Variants in MAPRE2 observed in about 807,000 individuals in gnomAD.
The protein encoded by MAPRE2 is microtubule-associated protein RP/EB family member 2.
MAPRE2 carries 13 observed loss-of-function variants against 43.2 expected under a neutral mutation model. The observed-to-expected ratio is 0.30, with a 90% confidence interval of 0.20 to 0.48. The LOEUF is 0.48. Among genes scored for constraint, MAPRE2 ranks in the 20% least tolerant of loss-of-function variants. MAPRE2 has a pLI of 0.99. For missense variants in MAPRE2, 161 were observed against 400.2 expected, an observed-to-expected ratio of 0.40 and a Z score of 5.10; for synonymous variants, 135 against 148.8, an observed-to-expected ratio of 0.91 and a Z score of 0.68.
chr18:35,031,580 T>C (rs1392253634), intron 2 of MAPRE2, among the ~76,000 whole-genome samples: 1 of 152,220 alleles, frequency 6.6e-6, no homozygotes, highest in East Asian at 1.9e-4. Context: ...CATCATGTTC[T>C]ATGAGTTATT....
intron 6 of MAPRE2, among the ~76,000 whole-genome samples, chr18:35,134,072 C>T (rs1910282475): frequency 6.6e-6 from 1 of 152,194 alleles, no homozygotes; most frequent in Non-Finnish European, 1.5e-5. Flanking sequence ...TTCTGAGACA[C>T]CTGGTTGGGG....
At chr18:35,008,645 AT>A (rs1279803329) in intron 2 of MAPRE2, among the ~76,000 whole-genome samples, 2 of 152,164 alleles carry the variant, frequency 1.3e-5, no homozygotes, top group African/African-American at 4.8e-5. Flanking sequence ...CATTTTCACT[AT>A]AAAAAATGCT....
At chr18:35,053,009 CACA>C (rs143641254) in intron 1 of MAPRE2, among the ~76,000 whole-genome samples, 3,740 of 136,622 alleles carry the variant, frequency 0.027, 113 homozygotes, top group South Asian at 0.064. Context: ...AAGTCCCCCC[CACA>C]CACACACACA....
upstream of MAPRE2, chr18:35,041,299 A>G: frequency 7.1e-7 from 1 of 1,404,172 alleles, no homozygotes; most frequent in Non-Finnish European, 9.3e-7. Flanking sequence ...GTGATGAGTT[A>G]GCGGGTTGCC....
intron 2 of MAPRE2, among the ~76,000 whole-genome samples, chr18:35,032,586 A>G (rs1303358652): frequency 6.6e-6 from 1 of 152,188 alleles, no homozygotes; most frequent in African/African-American, 2.4e-5. Context: ...TGATTGTGCT[A>G]TAAGCTAGGG....
chr18:34,982,601 T>C (rs2097017007), intron 1 of MAPRE2, among the ~76,000 whole-genome samples: 1 of 152,232 alleles, frequency 6.6e-6, no homozygotes, highest in South Asian at 2.1e-4. Flanking sequence ...AAAATTTTTG[T>C]TCCAAATTTG....
chr18:35,018,530 G>A (rs181114784), intron 2 of MAPRE2, among the ~76,000 whole-genome samples: 8 of 150,710 alleles, frequency 5.3e-5, no homozygotes, highest in East Asian at 1.9e-4. Context: ...TCAGGGTTTC[G>A]ATTTCTTCCT....
intron 1 of MAPRE2, among the ~76,000 whole-genome samples, chr18:34,981,844 T>C (rs2097016344): frequency 6.6e-6 from 1 of 151,880 alleles, no homozygotes; most frequent in East Asian, 1.9e-4. Flanking sequence ...ATATACATCA[T>C]TGTCTCAGCG....
chr18:35,133,216 C>T (rs1178275385), intron 6 of MAPRE2, among the ~76,000 whole-genome samples: 1 of 152,174 alleles, frequency 6.6e-6, no homozygotes, highest in Non-Finnish European at 1.5e-5. Context: ...TTCTCCTAAA[C>T]TGTAAGGCAC....
intron 4 of MAPRE2, among the ~76,000 whole-genome samples, chr18:35,117,930 T>C (rs562111002): frequency 6.6e-6 from 1 of 152,224 alleles, no homozygotes; most frequent in Admixed American, 6.5e-5. Flanking sequence ...TGCAGAACGC[T>C]TTCCTGCATT....
chr18:34,985,325 T>TAA (rs1368596342), intron 1 of MAPRE2, among the ~76,000 whole-genome samples: 1 of 38,274 alleles, frequency 2.6e-5, no homozygotes, highest in African/African-American at 1.0e-4. Context: ...ATTATATATA[T>TAA]AATATAATAT....
chr18:35,055,696 T>TA (rs1420534367), intron 1 of MAPRE2, among the ~76,000 whole-genome samples: 1 of 152,178 alleles, frequency 6.6e-6, no homozygotes, highest in Non-Finnish European at 1.5e-5. Context: ...CTCACGCCTG[T>TA]AATCCTAGCC....
intron 1 of MAPRE2, among the ~76,000 whole-genome samples, chr18:34,982,934 C>T (rs2097017167): frequency 6.6e-6 from 1 of 151,998 alleles, no homozygotes; most frequent in Non-Finnish European, 1.5e-5. Context: ...ATTCAAATTT[C>T]TGTGTCCAAA....
At chr18:35,109,158 G>A (rs919279862) in intron 4 of MAPRE2, among the ~76,000 whole-genome samples, 8 of 152,152 alleles carry the variant, frequency 5.3e-5, no homozygotes, top group Non-Finnish European at 1.0e-4. Flanking sequence ...TAAGGAAGGG[G>A]TTCAGTTTCA....
At chr18:35,083,202 C>T (rs184927884) in intron 2 of MAPRE2, among the ~76,000 whole-genome samples, 3 of 152,288 alleles carry the variant, frequency 2.0e-5, no homozygotes, top group African/African-American at 4.8e-5. Context: ...TTTGACCTTA[C>T]ATATTTAATC....
chr18:35,040,904 G>T (rs1053745780), upstream of MAPRE2, among the ~76,000 whole-genome samples: 2 of 152,208 alleles, frequency 1.3e-5, no homozygotes, highest in South Asian at 2.1e-4. Flanking sequence ...TGGGGAGATG[G>T]TTGCTGCTAT....
intron 2 of MAPRE2, among the ~76,000 whole-genome samples, chr18:35,077,582 C>T (rs1907432097): frequency 6.6e-6 from 1 of 152,156 alleles, no homozygotes; most frequent in East Asian, 1.9e-4. Context: ...TGATACTGAA[C>T]ATAGTACTAA....
intron 2 of MAPRE2, among the ~76,000 whole-genome samples, chr18:35,081,172 T>C (rs377606567): frequency 6.6e-6 from 1 of 152,238 alleles, no homozygotes; most frequent in Non-Finnish European, 1.5e-5. Flanking sequence ...AAATCTACTA[T>C]TTAAAAACCT....
At chr18:34,978,419 G>T (rs1331141076) in intron 1 of MAPRE2, 1 of 1,083,360 alleles carries the variant, frequency 9.2e-7, no homozygotes, top group African/African-American at 1.6e-5. Context: ...CCCAGCTGGG[G>T]TGAAGTGTGC....
Sources: allele counts gnomAD v4.1 joint callset (sites outside exome capture counted in the v4.1 genomes callset), GRCh38; gene constraint gnomAD v4.1.1; transcripts MANE v1.5; gene names NCBI Gene and HGNC (gene_info 2026-07-23, HGNC 2026-07-21).